The following DNAH1 variants were observed in gnomAD, a reference collection of about 807,000 sequenced individuals.
DNAH1 encodes the protein axonemal beta dynein heavy chain 1.
Under a neutral mutation model 484.3 loss-of-function variants are expected in DNAH1, and 327 were observed. That is an observed-to-expected ratio of 0.68 (90% CI 0.62 to 0.74). The LOEUF (loss-of-function observed/expected upper bound fraction) is 0.74, where lower values mean the gene tolerates loss of function less well. DNAH1 is among the 30% of genes least tolerant of loss of function. The probability of loss-of-function intolerance (pLI) is 0.00; values close to 1 mark genes in which losing one functional copy is unlikely to be tolerated. For missense variants in DNAH1, 5,052 were observed against 5,546.8 expected, an observed-to-expected ratio of 0.91 and a Z score of 2.83; for synonymous variants, 2,192 against 2,191.9, an observed-to-expected ratio of 1.00 and a Z score of 0.00.
chr3:52,375,294 G>C lies in DNAH1; in HGVS notation c.7040G>C (p.Gly2347Ala), dbSNP rs758036847. The change falls in exon 45 of 78, where the codon GGT becomes GCT. Residue 2347 changes from glycine (G) to alanine (A), a missense_variant. Gly to Ala is a moderately conservative substitution (Grantham distance 60). Around this residue, in one of 4 missense-constraint regions of DNAH1, gnomAD observed 2,929 missense variants for 3,409.4 expected, o/e 0.86. Transcript: ENST00000420323. ...TTTGTCTGTGCCATGGGCCCCCCGGGTGGAGGCAGGAACACCGTCACCCCG... is the reference window on the plus strand; with the variant it reads ...TTTGTCTGTGCCATGGGCCCCCCGGCTGGAGGCAGGAACACCGTCACCCCG... ...INFVCAMGPP[G>A]GGRNTVTPRL... 1 of 1,612,312 alleles carries C rather than the reference G, an allele frequency of 6.2e-7. No individual in the cohort carries two copies. Among genetic ancestry groups the C allele is most frequent in the South Asian group, 1.1e-5 (1 of 90,502 alleles).
rs1426736144 is a variant in DNAH1, at chr3:52,361,785, C to A, written c.4980+19C>A. 2 of 1,583,322 alleles carry A rather than the reference C, an allele frequency of 1.3e-6. No individual in the cohort carries two copies. The highest frequency in any genetic ancestry group is 1.8e-5 in the Admixed American group (1 of 55,306). ...GCAGCGGGTGAGCCCGGGGGACCCA[C>A]CTTACTCCCTCAGATCTGCCATACT... is the stretch of plus-strand genomic sequence containing the variant. On this transcript the variant is annotated intron_variant, in intron 30 of 77. Transcript: ENST00000420323. The surrounding 1 kb of genome is among the most constrained non-coding windows in gnomAD (Gnocchi z 5.6).
intron 1 of DNAH1, among the ~76,000 whole-genome samples, chr3:52,318,756 C>CA (rs150870774): frequency 0.019 from 2,877 of 152,298 alleles, 81 homozygotes; most frequent in African/African-American, 0.065. Flanking sequence ...GTGAATGCTT[C>CA]AAAACGGTGG....
chr3:52,353,712 C>G lies in DNAH1; in HGVS notation c.3480+79C>G, dbSNP rs1375260070. The G allele has an allele frequency of 2.0e-6, 3 of 1,532,412 alleles. No homozygotes were observed. In the South Asian group the frequency reaches 3.6e-5, roughly 19 times the overall value. The allele number at this position is 1,532,412 out of a possible 1,614,324, so 94.9% of individuals were successfully genotyped here. On this transcript the variant is annotated intron_variant, in intron 20 of 77. Transcript: ENST00000420323. This position sits in a 1 kb window ranked among gnomAD's most constrained non-coding sequence, Gnocchi z 5.0. ...TGACCTCCTGCTCTGGCAACCACAG[C>G]CACTTGGGAGGATGACAGTAATAAG...
At chr3:52,344,439 T>A in intron 8 of DNAH1, 51 bp from the exon 9 acceptor site, 1 of 1,589,234 alleles carries the variant, frequency 6.3e-7, no homozygotes, top group Non-Finnish European at 8.6e-7. Context: ...CCGGCTGGGG[T>A]TCACAGGGTG....
chr3:52,352,749 T>C (rs1474791846), intron 18 of DNAH1, 42 bp downstream of exon 18: 3 of 1,586,240 alleles, frequency 1.9e-6, no homozygotes, highest in South Asian at 1.1e-5. Flanking sequence ...CCCCCAGGCT[T>C]GAGGAAGCAG....
At chr3:52,393,270 C>T in intron 65 of DNAH1, 64 bp from the exon 66 acceptor site, 1 of 1,599,276 alleles carries the variant, frequency 6.3e-7, no homozygotes, top group African/African-American at 1.3e-5. Context: ...CTAGGCTGGG[C>T]TGGACCCCGG....
At chr3:52,312,142 T>C (rs1469083290), upstream of DNAH1, among the ~76,000 whole-genome samples, 1 of 152,178 alleles carries the variant, frequency 6.6e-6, no homozygotes, top group Non-Finnish European at 1.5e-5. Context: ...CCAAGCCAGC[T>C]CTGCCTGGCC....
intron 37 of DNAH1, among the ~76,000 whole-genome samples, chr3:52,369,347 A>G (rs1478921637): frequency 6.6e-6 from 1 of 152,140 alleles, no homozygotes; most frequent in Admixed American, 6.5e-5. Context: ...CATAGACACC[A>G]CGGGGATCTG....
At chr3:52,341,255 G>T (rs1415398122) in intron 8 of DNAH1, among the ~76,000 whole-genome samples, 1 of 152,168 alleles carries the variant, frequency 6.6e-6, no homozygotes, top group Non-Finnish European at 1.5e-5. Context: ...AGGCGAGATG[G>T]CAGCAGCAGT....
rs766476679 is a variant in DNAH1, at chr3:52,391,426, G to T, written c.9892-17G>T. 3.7e-6 allele frequency: 6 copies of T among 1,603,542 alleles called. No homozygotes were observed. In the South Asian group the frequency reaches 6.7e-5, roughly 18 times the overall value. On this transcript the variant is annotated splice_polypyrimidine_tract_variant and intron_variant, in intron 62 of 77. Transcript: ENST00000420323. ...TGATGCTCAGGCCACAGTACCCACC[G>T]GTCCCACCCACCACAGACGTACAAG...
At chr3:52,311,983 C>G (rs550265608), upstream of DNAH1, among the ~76,000 whole-genome samples, 9 of 152,264 alleles carry the variant, frequency 5.9e-5, no homozygotes, top group Admixed American at 1.3e-4. Flanking sequence ...CACCGCCCCC[C>G]CAACCTGCTT....
intron 16 of DNAH1, among the ~76,000 whole-genome samples, chr3:52,351,382 T>C (rs1019286914): frequency 2.6e-5 from 4 of 152,218 alleles, no homozygotes; most frequent in Non-Finnish European, 4.4e-5. Flanking sequence ...CTCACAGATG[T>C]TGGGGGAGTC....
chr3:52,395,739 T>C lies in DNAH1; in HGVS notation c.11259+61T>C. 6.4e-7 allele frequency: 1 copy of C among 1,564,828 alleles called. No individual in the cohort carries two copies. Among genetic ancestry groups the C allele is most frequent in the Non-Finnish European group, 8.7e-7 (1 of 1,151,798 alleles). ...CGCCTCTGCATCCATCAGGGACTAA[T>C]GAGGCAGAAATAAGAGAATCATGCC... On this transcript the variant is annotated intron_variant, in intron 70 of 77. Transcript: ENST00000420323. This position sits in a 1 kb window ranked among gnomAD's most constrained non-coding sequence, Gnocchi z 4.4.
rs201766521 is a variant in DNAH1, at chr3:52,372,097, C to T, written c.6666+11C>T. 8 of 1,613,046 alleles carry T rather than the reference C, an allele frequency of 5.0e-6. No individual in the cohort carries two copies. Among genetic ancestry groups the T allele is most frequent in the South Asian group, 1.1e-5 (1 of 91,006 alleles). ...ACCAACAAGAAGCCCGTGAGCACCC[C>T]CCCAGGCCCTGCCTCCACTGTCCCC... On this transcript the variant is annotated intron_variant, in intron 42 of 77. Coordinates refer to ENST00000420323, the MANE Select transcript of DNAH1 (RefSeq NM_015512.5).
chr3:52,332,201 G>A lies in DNAH1; in HGVS notation c.1093G>A (p.Ala365Thr), dbSNP rs374001771. ...GCCACGGATCCAGCTTCTCTTCTGC[G>A]CTGAGGACCCTTGCATGTTCGCACA... The part of the protein sequence containing the change: ...WVPRIQLLFC[A>T]EDPCMFAQRV... Residue 365 changes from alanine to threonine, a missense_variant, in exon 8 of 78, where the codon GCT (alanine) becomes ACT (threonine). Coordinates refer to ENST00000420323, the MANE Select transcript of DNAH1 (RefSeq NM_015512.5). The A allele has an allele frequency of 1.0e-5, 16 of 1,607,026 alleles. No homozygotes were observed. Among genetic ancestry groups the A allele is most frequent in the African/African-American group, 4.0e-5 (3 of 74,938 alleles).
At chr3:52,385,176 T>C (rs1049335355) in intron 53 of DNAH1, among the ~76,000 whole-genome samples, 161 bp from the exon 54 acceptor site, 2 of 152,168 alleles carry the variant, frequency 1.3e-5, no homozygotes, top group African/African-American at 4.8e-5. Flanking sequence ...CCACAGATAT[T>C]TGGGGGACTG....
At position 52,366,502 on chromosome 3, in the gene DNAH1, G is replaced by A. The variant is rs748535920; in HGVS notation, c.5564G>A (p.Arg1855Gln). 1.6e-5 allele frequency: 26 copies of A among 1,603,296 alleles called. No individual in the cohort carries two copies. Among genetic ancestry groups the A allele is most frequent in the East Asian group, 4.5e-5 (2 of 44,202 alleles). The change falls in exon 35 of 78, where the codon CGA (arginine) becomes CAA (glutamine). Residue 1855 changes from arginine to glutamine, a missense_variant. Arg to Gln is a conservative substitution (Grantham distance 43, BLOSUM62 1). Coordinates refer to ENST00000420323, the MANE Select transcript of DNAH1 (RefSeq NM_015512.5). The part of the protein sequence containing the change: ...CIQLYETTVV[R>Q]HGLMLVGPTG... The stretch of plus-strand genomic sequence containing the variant: ...CAGCTCTACGAGACCACGGTGGTAC[G>A]ACACGGCCTCATGCTCGTCGGGCCC...
In DNAH1 at chr3:52,386,728, G is replaced by A; in HGVS notation, c.8878G>A (p.Gly2960Ser). The A allele has an allele frequency of 6.3e-7, 1 of 1,591,246 alleles. No individual in the cohort carries two copies. Among genetic ancestry groups the A allele is most frequent in the Non-Finnish European group, 8.6e-7 (1 of 1,169,192 alleles). Residue 2960 changes from glycine (G) to serine (S), a missense_variant, in exon 56 of 78, where the codon GGC (glycine) becomes AGC (serine). By Grantham distance (56) the Gly-to-Ser change is moderately conservative (BLOSUM62 0). Coordinates refer to ENST00000420323, the MANE Select transcript of DNAH1 (RefSeq NM_015512.5). ...CATAGAAGCTGTGTGCATTATGAAAGGCATCAAGCCCAAGAAGGTGCCTGG... is the reference window on the plus strand; with the variant it reads ...CATAGAAGCTGTGTGCATTATGAAAAGCATCAAGCCCAAGAAGGTGCCTGG... ...LVIEAVCIMKGIKPKKVPGEK... is the reference protein window; with the variant it reads ...LVIEAVCIMKSIKPKKVPGEK...
intron 1 of DNAH1, among the ~76,000 whole-genome samples, chr3:52,318,116 ATCTC>A (rs1209238591): frequency 1.3e-5 from 2 of 152,104 alleles, no homozygotes; most frequent in Admixed American, 1.3e-4. Context: ...CAATGGCGCG[ATCTC>A]GGCTCACTGC....
Sources: gnomAD v4.1 joint callset for allele counts (sites outside exome capture counted in the v4.1 genomes callset) on GRCh38, gnomAD v4.1.1 for gene constraint, gnomAD v4.1.1 regional missense constraint, Gnocchi (gnomAD v3.1) non-coding constraint, MANE v1.5 for transcripts, NCBI Gene and HGNC (gene_info 2026-07-23, HGNC 2026-07-21) for gene names.